EMC10: variants seen among roughly 807,000 people sequenced by gnomAD.
EMC10 encodes the protein ER membrane protein complex subunit 10, also known as UPF0510 protein INM02.
Under a neutral mutation model 32.2 loss-of-function variants are expected in EMC10, and 40 were observed. The ratio of observed to expected loss-of-function variants is 1.24; its 90% CI spans 0.96 to 1.61. The LOEUF (loss-of-function observed/expected upper bound fraction) is 1.61. Ranked by LOEUF, EMC10 falls within the 40% of genes most tolerant of loss-of-function variation. The probability of loss-of-function intolerance (pLI) is 0.00; values close to 1 mark genes in which losing one functional copy is unlikely to be tolerated. For synonymous variants in EMC10, 178 were observed against 158.4 expected (o/e 1.12, Z -0.93); for missense variants, 402 against 357.7 (o/e 1.12, Z -1.00).
In EMC10 at chr19:50,476,561, C is replaced by A. The variant is rs765134145; in HGVS notation, c.17C>A (p.Ala6Asp). 3.8e-6 allele frequency: 6 copies of A among 1,575,200 alleles called. No individual in the cohort carries two copies. The highest frequency in any genetic ancestry group is 5.1e-6 in the Non-Finnish European group (6 of 1,166,190). The change falls in exon 1 of 7, where the codon GCT becomes GAT. Residue 6 changes from alanine (A) to aspartate (D), a missense_variant. Ala to Asp is a moderately radical substitution (Grantham distance 126). Coordinates refer to ENST00000334976, the MANE Select transcript of EMC10 (RefSeq NM_206538.4). ...GAAGCCGAGATGGCGGCAGCCAGCG[C>A]TGGGGCAACCCGGCTGCTCCTGCTC... is the stretch of plus-strand genomic sequence containing the variant. MAAASAGATRLLLLLL... is the reference protein window; with the variant it reads MAAASDGATRLLLLLL...
At position 50,484,980 on chromosome 19, in the gene EMC10, C is replaced by T. The variant is rs1017726890; in HGVS notation, c.*2721C>T. ...CTCTCCACAGAAACAAGCAGATGCACATGTCAACAGTTTTGCAAGTGTTGC... is the reference window on the plus strand; with the variant it reads ...CTCTCCACAGAAACAAGCAGATGCATATGTCAACAGTTTTGCAAGTGTTGC... On this transcript the variant is annotated 3_prime_UTR_variant, in exon 7 of 7. Transcript: ENST00000334976. The T allele has an allele frequency of 3.9e-5, 6 of 152,184 alleles. No individual in the cohort carries two copies. Among genetic ancestry groups the T allele is most frequent in the African/African-American group, 1.2e-4 (5 of 41,444 alleles). 9.4% of individuals were successfully genotyped at this position (152,184 alleles called of 1,614,324 possible).
intron 1 of EMC10, chr19:50,476,900 T>G (rs2040234538): frequency 2.2e-5 from 8 of 359,710 alleles, no homozygotes; most frequent in South Asian, 1.4e-4. Flanking sequence ...GGAATATGTA[T>G]GAGGGGGCGG....
Position 50,481,879 on chromosome 19 carries a change from G to T in EMC10, c.679-270G>T, listed in dbSNP as rs571186845. On this transcript the variant is annotated intron_variant, in intron 6 of 6. Coordinates refer to ENST00000334976, the MANE Select transcript of EMC10 (RefSeq NM_206538.4). ...TCCCCAGTGGCACATCATCCTGGGG[G>T]GGGCCGTGTTGCTCACAGCCCTGCG... The T allele has an allele frequency of 1.9e-6, 3 of 1,589,312 alleles. No individual in the cohort carries two copies. Among genetic ancestry groups the T allele is most frequent in the East Asian group, 4.5e-5 (2 of 44,082 alleles).
chr19:50,479,352 CT>C (rs879890947), intron 3 of EMC10, among the ~76,000 whole-genome samples: 20 of 152,370 alleles, frequency 1.3e-4, no homozygotes, highest in Admixed American at 1.3e-3. Flanking sequence ...GTCGGCTCCT[CT>C]TCTTTTCCAG....
In EMC10 at chr19:50,485,954, G is replaced by A. The variant is rs1047925865; in HGVS notation, c.*3695G>A. The A allele has an allele frequency of 2.6e-5, 4 of 152,128 alleles. No homozygotes were observed. The highest frequency in any genetic ancestry group is 9.7e-5 in the African/African-American group (4 of 41,412). The allele number at this position is 152,128 out of a possible 1,614,324, so 9.4% of individuals were successfully genotyped here. ...AGCACCTGGCAAGGTAAATGCTCCA[G>A]GAGGGGTTGCTCCCTCCCATTTCCT... On this transcript the variant is annotated 3_prime_UTR_variant, in exon 7 of 7. Coordinates refer to ENST00000334976, the MANE Select transcript of EMC10 (RefSeq NM_206538.4).
At chr19:50,482,125 G>C in intron 6 of EMC10, 24 bp from the exon 7 acceptor site, 1 of 1,461,528 alleles carries the variant, frequency 6.8e-7, no homozygotes, top group Non-Finnish European at 9.6e-7. Context: ...GTGTCTGTCT[G>C]TCCATCCTTC....
At chr19:50,478,114 C>A in intron 2 of EMC10, 113 bp downstream of exon 2, 1 of 879,362 alleles carries the variant, frequency 1.1e-6, no homozygotes, top group Non-Finnish European at 1.7e-6. Context: ...CATTTACTAA[C>A]AGATTTGCCT....
Position 50,483,371 on chromosome 19 carries a change from T to C in EMC10, c.*1112T>C, listed in dbSNP as rs568509391. 1.4e-5 allele frequency: 4 copies of C among 289,800 alleles called. No individual in the cohort carries two copies. In the East Asian group the frequency reaches 4.1e-4, roughly 29 times the overall value. The allele number at this position is 289,800 out of a possible 1,614,324, so 18.0% of individuals were successfully genotyped here. On this transcript the variant is annotated 3_prime_UTR_variant, in exon 7 of 7. Coordinates refer to ENST00000334976, the MANE Select transcript of EMC10 (RefSeq NM_206538.4). ...CACGCAGCTAGCCTCCTGCATTGTA[T>C]GGTTATAAATAGCACCCTAGTGAGT...
rs1268354904 is a variant in EMC10 at position 50,486,435 on chromosome 19, C to T, written c.*4176C>T. 1 of 152,162 alleles carries T rather than the reference C, an allele frequency of 6.6e-6. No individual in the cohort carries two copies. Among genetic ancestry groups the T allele is most frequent in the African/African-American group, 2.4e-5 (1 of 41,430 alleles). 9.4% of individuals were successfully genotyped at this position (152,162 alleles called of 1,614,324 possible). ...GAACTCCTGACCTCAAGCGATCCACCTTAGTCTCCTAAAGTGCTGGGATTA... is the reference window on the plus strand; with the variant it reads ...GAACTCCTGACCTCAAGCGATCCACTTTAGTCTCCTAAAGTGCTGGGATTA... On this transcript the variant is annotated 3_prime_UTR_variant, in exon 7 of 7. Transcript: ENST00000334976.
intron 1 of EMC10, 46 bp from the exon 2 acceptor site, chr19:50,477,883 G>C (rs1172611911): frequency 1.3e-6 from 2 of 1,530,664 alleles, no homozygotes; most frequent in African/African-American, 1.4e-5. Flanking sequence ...CTACTATGCT[G>C]AGGGCTTGGG....
intron 6 of EMC10, chr19:50,481,535 T>G: frequency 2.8e-6 from 1 of 360,790 alleles, no homozygotes; most frequent in Non-Finnish European, 5.0e-6. Context: ...CTCTGGTCCA[T>G]TGAGTGTGGA....
Position 50,480,477 on chromosome 19 carries a change from G to A in EMC10, c.403-104G>A. ...GAGGGTAACAGGGAGCCATGGGAAG[G>A]TTTTGAAAAATGCTCCGGGGGTCCT... On this transcript the variant is annotated intron_variant, in intron 4 of 6. Transcript: ENST00000334976. The surrounding 1 kb of genome is among the most constrained non-coding windows in gnomAD (Gnocchi z 4.4). 2 of 1,381,744 alleles carry A rather than the reference G, an allele frequency of 1.4e-6. No homozygotes were observed. Among genetic ancestry groups the A allele is most frequent in the African/African-American group, 1.4e-5 (1 of 68,990 alleles). The allele number at this position is 1,381,744 out of a possible 1,614,324, so 85.6% of individuals were successfully genotyped here.
chr19:50,481,161 T>G, intron 6 of EMC10, 184 bp downstream of exon 6: 1 of 571,004 alleles, frequency 1.8e-6, no homozygotes, highest in East Asian at 3.0e-5. Context: ...GGAAGTGTGG[T>G]CAGGGGAGGT....
Position 50,488,821 on chromosome 19 carries a change from G to C in EMC10, c.*6562G>C, listed in dbSNP as rs1978489177. On this transcript the variant is annotated 3_prime_UTR_variant, in exon 7 of 7. Transcript: ENST00000334976. ...AATCTGCTAGAAGGGAGAGAGGAGA[G>C]AGAAGAGCCGGACAGGGAGAGCAGA... is the stretch of plus-strand genomic sequence containing the variant. 1 of 151,530 alleles carries C rather than the reference G, an allele frequency of 6.6e-6. No homozygotes were observed. The highest frequency in any genetic ancestry group is 6.6e-5 in the Admixed American group (1 of 15,098). The allele number at this position is 151,530 out of a possible 1,614,324, so 9.4% of individuals were successfully genotyped here. A position where few individuals can be genotyped will look rare whatever the true frequency, so the allele number is the denominator to read the frequency against.
rs1246492485 is a variant in EMC10 at position 50,482,306 on chromosome 19, C to A, written c.*47C>A. 3.8e-6 allele frequency: 3 copies of A among 799,610 alleles called. No individual in the cohort carries two copies. In the South Asian group the frequency reaches 5.0e-5, roughly 13 times the overall value. 49.5% of individuals were successfully genotyped at this position (799,610 alleles called of 1,614,324 possible). The stretch of plus-strand genomic sequence containing the variant: ...CCGTCTTGCACACCCAGGGGCCTCC[C>A]TTTCTGCTGGAGTCCCCTGTGTCCT... On this transcript the variant is annotated 3_prime_UTR_variant, in exon 7 of 7. Transcript: ENST00000334976.
rs1021900349 is a variant in EMC10 at position 50,476,622 on chromosome 19, G to A, written c.78G>A (p.Arg26=). The A allele has an allele frequency of 2.6e-6, 4 of 1,556,210 alleles. No homozygotes were observed. The African/African-American group carries it at 5.5e-5, about 21-fold the overall frequency. The part of the protein sequence containing the change: ...LMAVAAPSRA[R]GSGCRAGTGA... ...CGGTAGCAGCGCCCAGTCGAGCCCGGGGCAGCGGCTGCCGGGCCGGGACTG... is the reference window on the plus strand; with the variant it reads ...CGGTAGCAGCGCCCAGTCGAGCCCGAGGCAGCGGCTGCCGGGCCGGGACTG... Residue 26 remains arginine (R), a synonymous_variant, in exon 1 of 7, where the codon CGG becomes CGA. Coordinates refer to ENST00000334976, the MANE Select transcript of EMC10 (RefSeq NM_206538.4).
Position 50,483,129 on chromosome 19 carries a change from A to G in EMC10, c.*870A>G, listed in dbSNP as rs1471621626. ...GTCTATTTAAAAACATCGACGATAC[A>G]TTGAAATGTGTGAACGTTTTGAAAA... On this transcript the variant is annotated 3_prime_UTR_variant, in exon 7 of 7. Coordinates refer to ENST00000334976, the MANE Select transcript of EMC10 (RefSeq NM_206538.4). The G allele has an allele frequency of 2.1e-6, 1 of 469,222 alleles. No individual in the cohort carries two copies. The highest frequency in any genetic ancestry group is 2.3e-5 in the Admixed American group (1 of 42,868). 29.1% of individuals were successfully genotyped at this position (469,222 alleles called of 1,614,324 possible). A position where few individuals can be genotyped will look rare whatever the true frequency, so the allele number is the denominator to read the frequency against.
chr19:50,484,336 C>CA lies in EMC10; in HGVS notation c.*2077_*2078insA, dbSNP rs2040366835. 6.6e-6 allele frequency: 1 copy of CA among 152,144 alleles called. No individual in the cohort carries two copies. The highest frequency in any genetic ancestry group is 6.6e-5 in the Admixed American group (1 of 15,260). The allele number at this position is 152,144 out of a possible 1,614,324, so 9.4% of individuals were successfully genotyped here. A position where few individuals can be genotyped will look rare whatever the true frequency, so the allele number is the denominator to read the frequency against. On this transcript the variant is annotated 3_prime_UTR_variant, in exon 7 of 7. Coordinates refer to ENST00000334976, the MANE Select transcript of EMC10 (RefSeq NM_206538.4). ...AGCCACTGCGCCAGGCCTACTGATG[C>CA]TTTTTGGGAAGTGTTCCCAACTTGG...
In EMC10 at chr19:50,482,038, C is replaced by T. The variant is rs542818946; in HGVS notation, c.679-111C>T. ...GGGACCTGGGCGCCCTCCCCTTACG[C>T]GACCTCCCCTCATGCCGGTCCCCAC... On this transcript the variant is annotated intron_variant, in intron 6 of 6. Transcript: ENST00000334976. The T allele has an allele frequency of 6.3e-5, 96 of 1,513,674 alleles. 1 individual carries two copies. The highest frequency in any genetic ancestry group is 4.2e-4 in the South Asian group (37 of 89,094). The allele number at this position is 1,513,674 out of a possible 1,614,324, so 93.8% of individuals were successfully genotyped here.
Sources: gnomAD v4.1 joint callset for allele counts (sites outside exome capture counted in the v4.1 genomes callset) on GRCh38, gnomAD v4.1.1 for gene constraint, Gnocchi (gnomAD v3.1) non-coding constraint, MANE v1.5 for transcripts, NCBI Gene and HGNC (gene_info 2026-07-23, HGNC 2026-07-21) for gene names.